Variants in DPP6 observed in about 807,000 individuals in gnomAD.
DPP6 encodes the protein A-type potassium channel modulatory protein DPP6.
Under a neutral mutation model 122.6 loss-of-function variants are expected in DPP6, and 69 were observed. The ratio of observed to expected loss-of-function variants is 0.56; its 90% CI spans 0.46 to 0.69. The LOEUF (loss-of-function observed/expected upper bound fraction) is 0.69, where lower values mean the gene tolerates loss of function less well. Among genes scored for constraint, DPP6 ranks in the 30% least tolerant of loss-of-function variants. The probability of loss-of-function intolerance (pLI) is 0.00; values close to 1 mark genes in which losing one functional copy is unlikely to be tolerated. For missense variants in DPP6, 928 were observed against 1,116.9 expected (o/e 0.83, Z 2.41); for synonymous variants, 418 against 433.1 (o/e 0.97, Z 0.43).
intron 1 of DPP6, chr7:154,092,499 A>AT (rs1245489840): frequency 6.8e-6 from 1 of 147,760 alleles, no homozygotes; most frequent in Admixed American, 6.8e-5. Flanking sequence ...TGGCCTTTAC[A>AT]TTTTTCAGAA....
At chr7:154,235,109 C>T (rs1200620027) in intron 1 of DPP6, among the ~76,000 whole-genome samples, 2 of 152,224 alleles carry the variant, frequency 1.3e-5, no homozygotes, top group African/African-American at 4.8e-5. Context: ...ATTGTGTAAT[C>T]ATCACCACAA....
rs554409001 is a variant in DPP6 at position 154,829,682 on chromosome 7, C to T, written c.1666+22570C>T. 7.9e-5 allele frequency among the ~76,000 whole-genome samples: 12 copies of T among 152,240 alleles called. No individual in the cohort carries two copies. In the East Asian group the frequency reaches 1.2e-3, roughly 15 times the overall value. On this transcript the variant is annotated intron_variant, in intron 16 of 25. Transcript: ENST00000377770. ...CAGATGGGGGCTAGCTGGCATCATACGCAAGAGCATCAGTCTCAGCCAGAT... is the reference window on the plus strand; with the variant it reads ...CAGATGGGGGCTAGCTGGCATCATATGCAAGAGCATCAGTCTCAGCCAGAT...
chr7:154,684,271 T>C (rs751120676), intron 7 of DPP6, among the ~76,000 whole-genome samples: 2 of 152,074 alleles, frequency 1.3e-5, no homozygotes, highest in Non-Finnish European at 2.9e-5. Flanking sequence ...GCCATTGCCT[T>C]ATCACCACAC....
At position 154,794,207 on chromosome 7, in the gene DPP6, G is replaced by A. The variant is rs1254426419; in HGVS notation, c.1260+5G>A. On this transcript the variant is annotated splice_donor_5th_base_variant and intron_variant, in intron 11 of 25. Coordinates refer to ENST00000377770, the MANE Select transcript of DPP6 (RefSeq NM_130797.4). ...ACCACGGGGGTCTGCACGAAGGTAC[G>A]CGGGGCTGTGGGGGTGGAGGGGAGA... The A allele has an allele frequency of 1.9e-6, 3 of 1,604,242 alleles. No individual in the cohort carries two copies. The highest frequency in any genetic ancestry group is 2.2e-5 in the East Asian group (1 of 44,506).
chr7:154,231,812 G>A (rs1800936179), intron 1 of DPP6, among the ~76,000 whole-genome samples: 1 of 152,152 alleles, frequency 6.6e-6, no homozygotes, highest in Admixed American at 6.5e-5. Context: ...CTTCCCCCAC[G>A]TGCTTCTCTG....
intron 1 of DPP6, among the ~76,000 whole-genome samples, chr7:154,289,411 G>T (rs1382253297): frequency 6.6e-6 from 1 of 152,166 alleles, no homozygotes; most frequent in Non-Finnish European, 1.5e-5. Context: ...CCTATGGCTT[G>T]TGAGGCCCCA....
At chr7:154,677,304 C>T (rs1418515303) in intron 7 of DPP6, among the ~76,000 whole-genome samples, 1 of 152,132 alleles carries the variant, frequency 6.6e-6, no homozygotes, top group Admixed American at 6.6e-5. Flanking sequence ...TGCCAGTGAT[C>T]CAGCGGGCAC....
intron 1 of DPP6, among the ~76,000 whole-genome samples, chr7:154,168,433 A>G (rs1797366405): frequency 6.6e-6 from 1 of 152,178 alleles, no homozygotes; most frequent in Admixed American, 6.5e-5. Context: ...CAAGGAAAAT[A>G]CACTATTTGT....
At chr7:154,219,991 G>C (rs969177662) in intron 1 of DPP6, among the ~76,000 whole-genome samples, 2 of 152,190 alleles carry the variant, frequency 1.3e-5, no homozygotes, top group African/African-American at 4.8e-5. Context: ...ACCATTGGTT[G>C]CCTTGCCTTG....
At chr7:154,487,828 T>C (rs1257117821) in intron 3 of DPP6, among the ~76,000 whole-genome samples, 1 of 152,128 alleles carries the variant, frequency 6.6e-6, no homozygotes. Flanking sequence ...TCGATCACCT[T>C]CTTAATTAAT....
At chr7:154,870,778 C>A (rs1256665839) in intron 18 of DPP6, among the ~76,000 whole-genome samples, 2 of 151,988 alleles carry the variant, frequency 1.3e-5, no homozygotes, top group Non-Finnish European at 2.9e-5. Context: ...GCCTGGCCAA[C>A]ATGGTGAAAC....
At chr7:154,790,003 GC>G (rs948521362) in intron 10 of DPP6, among the ~76,000 whole-genome samples, 2 of 152,184 alleles carry the variant, frequency 1.3e-5, no homozygotes, top group Admixed American at 6.5e-5. Flanking sequence ...TTCAAGACCA[GC>G]CTGGGTAACA....
chr7:154,766,589 G>A (rs1795912843), intron 8 of DPP6, among the ~76,000 whole-genome samples: 1 of 152,224 alleles, frequency 6.6e-6, no homozygotes, highest in African/African-American at 2.4e-5. Flanking sequence ...TTAAAGGCGT[G>A]TCTCTAAGTT....
intron 1 of DPP6, among the ~76,000 whole-genome samples, chr7:154,047,330 A>G (rs1800069336): frequency 6.8e-6 from 1 of 147,156 alleles, no homozygotes; most frequent in Non-Finnish European, 1.5e-5. Context: ...TCACTTTAAC[A>G]TTGAAGGGAA....
chr7:154,703,446 CCATCT>C, intron 7 of DPP6, among the ~76,000 whole-genome samples: 1 of 152,138 alleles, frequency 6.6e-6, no homozygotes, highest in Non-Finnish European at 1.5e-5. Context: ...TGGCAAAACC[CCATCT>C]CTACTAAAAA....
chr7:153,989,574 G>A (rs1242515288), intron 1 of DPP6, among the ~76,000 whole-genome samples: 1 of 151,992 alleles, frequency 6.6e-6, no homozygotes, highest in Admixed American at 6.5e-5. Flanking sequence ...TGTGCGGGAA[G>A]CAGGACCCCA....
intron 16 of DPP6, among the ~76,000 whole-genome samples, chr7:154,843,321 T>C (rs1801702130): frequency 6.6e-6 from 1 of 152,036 alleles, no homozygotes; most frequent in Non-Finnish European, 1.5e-5. Context: ...AATATATAAA[T>C]AACAGCATAT....
intron 1 of DPP6, among the ~76,000 whole-genome samples, chr7:154,035,828 C>T (rs1799490233): frequency 6.6e-6 from 1 of 152,100 alleles, no homozygotes; most frequent in Non-Finnish European, 1.5e-5. Flanking sequence ...ATAGTAGTAC[C>T]GTATATTTAT....
intron 2 of DPP6, among the ~76,000 whole-genome samples, chr7:154,467,169 AG>A (rs1821856680): frequency 6.6e-6 from 1 of 152,224 alleles, no homozygotes; most frequent in Non-Finnish European, 1.5e-5. Context: ...TAGGGCTCTC[AG>A]GTCTGCCCTC....
Sources: allele counts gnomAD v4.1 joint callset (sites outside exome capture counted in the v4.1 genomes callset), GRCh38; gene constraint gnomAD v4.1.1; transcripts MANE v1.5; gene names NCBI Gene and HGNC (gene_info 2026-07-23, HGNC 2026-07-21).